CDH13: variants seen among roughly 807,000 people sequenced by gnomAD.
CDH13 encodes cadherin-13.
In CDH13, 24 loss-of-function variants were observed where a neutral mutation model predicts 63.8. The ratio of observed to expected loss-of-function variants is 0.38; its 90% CI spans 0.27 to 0.53. CDH13 has a LOEUF of 0.53. Among genes scored for constraint, CDH13 ranks in the 20% least tolerant of loss-of-function variants. The pLI is 0.85. For synonymous variants in CDH13, 503 were observed against 355.3 expected, an observed-to-expected ratio of 1.42 and a Z score of -4.67; for missense variants, 1,049 against 903.1, an observed-to-expected ratio of 1.16 and a Z score of -2.07.
chr16:83,692,970 C>A (rs1456897596), intron 10 of CDH13, among the ~76,000 whole-genome samples: 1 of 152,198 alleles, frequency 6.6e-6, no homozygotes, highest in Non-Finnish European at 1.5e-5. Flanking sequence ...GTAATCCCAG[C>A]TACTCAGGAG....
At chr16:83,207,539 A>T (rs1420292086) in intron 4 of CDH13, among the ~76,000 whole-genome samples, 1 of 152,204 alleles carries the variant, frequency 6.6e-6, no homozygotes, top group Non-Finnish European at 1.5e-5. Flanking sequence ...GTTGATGGAC[A>T]CCTGAGTTGT....
At chr16:82,808,731 C>G (rs779127768) in intron 1 of CDH13, among the ~76,000 whole-genome samples, 1 of 152,058 alleles carries the variant, frequency 6.6e-6, no homozygotes, top group Non-Finnish European at 1.5e-5. Context: ...ATGTTTGTAC[C>G]CACTTAATGG....
At chr16:83,221,518 T>C (rs2039698863) in intron 5 of CDH13, among the ~76,000 whole-genome samples, 1 of 152,224 alleles carries the variant, frequency 6.6e-6, no homozygotes, top group Non-Finnish European at 1.5e-5. Flanking sequence ...TGACCAAGTT[T>C]ATGAAATTCT....
chr16:83,532,638 C>T (rs967248897), intron 7 of CDH13, among the ~76,000 whole-genome samples: 8 of 152,200 alleles, frequency 5.3e-5, no homozygotes, highest in African/African-American at 1.9e-4. Context: ...TCCACATTCG[C>T]CATGTCAGTT....
intron 1 of CDH13, chr16:82,719,419 C>T (rs1346873286): frequency 2.2e-6 from 1 of 455,950 alleles, no homozygotes; most frequent in South Asian, 1.5e-5. Context: ...TGTCCAATGG[C>T]TTGGAGTCTG....
At chr16:83,732,155 C>T (rs1321420104) in intron 10 of CDH13, among the ~76,000 whole-genome samples, 4 of 152,206 alleles carry the variant, frequency 2.6e-5, no homozygotes, top group Admixed American at 1.3e-4. Context: ...CGGCAATGAA[C>T]AAGCCAATGA....
chr16:83,732,577 C>T (rs1490133454), intron 10 of CDH13, among the ~76,000 whole-genome samples: 4 of 152,212 alleles, frequency 2.6e-5, no homozygotes, highest in Non-Finnish European at 4.4e-5. Context: ...TACACTAGTG[C>T]TAATGTAGAA....
At chr16:83,139,475 G>T (rs998190482) in intron 4 of CDH13, among the ~76,000 whole-genome samples, 3 of 152,124 alleles carry the variant, frequency 2.0e-5, no homozygotes, top group Non-Finnish European at 4.4e-5. Flanking sequence ...CTATGCATTA[G>T]TTTACACAAT....
chr16:83,536,938 G>C (rs2075202737), intron 7 of CDH13, among the ~76,000 whole-genome samples: 1 of 152,202 alleles, frequency 6.6e-6, no homozygotes, highest in African/African-American at 2.4e-5. Flanking sequence ...TGCGGATGGA[G>C]GTAACTCATG....
intron 2 of CDH13, among the ~76,000 whole-genome samples, chr16:82,940,533 C>A (rs1904276221): frequency 6.6e-6 from 1 of 152,122 alleles, no homozygotes; most frequent in Non-Finnish European, 1.5e-5. Context: ...TTTTTTACTT[C>A]CAGATTTGGT....
intron 2 of CDH13, among the ~76,000 whole-genome samples, chr16:82,949,373 A>T (rs1905066570): frequency 6.6e-6 from 1 of 152,126 alleles, no homozygotes; most frequent in Non-Finnish European, 1.5e-5. Context: ...GACCCCACGC[A>T]TACTGGAATA....
At chr16:83,685,302 G>T (rs1290585395) in intron 10 of CDH13, among the ~76,000 whole-genome samples, 6 of 152,136 alleles carry the variant, frequency 3.9e-5, no homozygotes, top group Admixed American at 3.9e-4. Flanking sequence ...AAGGTAGATG[G>T]CACTTTCTGC....
chr16:83,370,525 G>T (rs533304491), intron 6 of CDH13, among the ~76,000 whole-genome samples: 47 of 152,100 alleles, frequency 3.1e-4, no homozygotes, highest in African/African-American at 1.0e-3. Flanking sequence ...CAGGGAAATT[G>T]TGTGTCACAG....
intron 4 of CDH13, among the ~76,000 whole-genome samples, chr16:83,184,137 C>T (rs948791132): frequency 7.3e-6 from 1 of 137,628 alleles, no homozygotes. Context: ...TACACACACA[C>T]ACAACTAGTA....
intron 6 of CDH13, among the ~76,000 whole-genome samples, chr16:83,468,387 C>T (rs928032861): frequency 6.6e-6 from 1 of 152,156 alleles, no homozygotes; most frequent in African/African-American, 2.4e-5. Flanking sequence ...AGGAAGAGAC[C>T]TCCCCTAGAG....
intron 1 of CDH13, among the ~76,000 whole-genome samples, chr16:82,815,994 A>T (rs1030454321): frequency 6.6e-6 from 1 of 152,172 alleles, no homozygotes; most frequent in African/African-American, 2.4e-5. Flanking sequence ...TGTATTACCA[A>T]GTATGTGACA....
chr16:82,990,255 G>A (rs1597368830), intron 2 of CDH13: 1 of 152,100 alleles, frequency 6.6e-6, no homozygotes, highest in Non-Finnish European at 1.5e-5. Context: ...AGAAAAGCAA[G>A]GATCCTAGAA....
chr16:83,783,411 G>A lies in CDH13; in HGVS notation c.2073G>A (p.Ala691=), dbSNP rs552140538. 22 of 1,613,990 alleles carry A rather than the reference G, an allele frequency of 1.4e-5. No homozygotes were observed. Among genetic ancestry groups the A allele is most frequent in the African/African-American group, 2.7e-5 (2 of 75,050 alleles). The change falls in exon 13 of 14, where the codon GCG becomes GCA. Residue 691 remains alanine, a synonymous_variant. Coordinates refer to ENST00000567109, the MANE Select transcript of CDH13 (RefSeq NM_001257.5). ...SCRNSKVDCN[A]AGALRFSLPS... ...GGAATTCCAAAGTGGACTGCAACGCGGCAGGGGCCCTGCGCTTCAGCCTGC... is the reference window on the plus strand; with the variant it reads ...GGAATTCCAAAGTGGACTGCAACGCAGCAGGGGCCCTGCGCTTCAGCCTGC...
chr16:82,966,899 T>C (rs1232952250), intron 2 of CDH13, among the ~76,000 whole-genome samples: 1 of 152,206 alleles, frequency 6.6e-6, no homozygotes, highest in African/African-American at 2.4e-5. Context: ...TTAAAAATTA[T>C]CTAATCAACA....
Sources: gnomAD v4.1 joint callset for allele counts (sites outside exome capture counted in the v4.1 genomes callset) on GRCh38, gnomAD v4.1.1 for gene constraint, MANE v1.5 for transcripts, NCBI Gene and HGNC (gene_info 2026-07-23, HGNC 2026-07-21) for gene names.